Variants in CCDC148 observed in about 807,000 individuals in gnomAD.
CCDC148 encodes coiled-coil domain containing 148, also known as coiled-coil domain-containing protein 148.
In CCDC148, 89 loss-of-function variants were observed where a neutral mutation model predicts 85.7. The ratio of observed to expected loss-of-function variants is 1.04; its 90% CI spans 0.87 to 1.24. The LOEUF (loss-of-function observed/expected upper bound fraction) is 1.24. Ranked by LOEUF, CCDC148 falls within the 50% of genes most tolerant of loss-of-function variation. The pLI is 0.00. For synonymous variants in CCDC148, 230 were observed against 213.9 expected (o/e 1.08, Z -0.66); for missense variants, 692 against 671.7 (o/e 1.03, Z -0.33).
chr2:158,386,346 T>A (rs756182444), intron 1 of CCDC148, among the ~76,000 whole-genome samples: 2 of 152,098 alleles, frequency 1.3e-5, no homozygotes, highest in Non-Finnish European at 2.9e-5. Context: ...TGCTATTAAT[T>A]TCTGAGATTG....
At chr2:158,297,337 A>G (rs779550440) in intron 9 of CCDC148, among the ~76,000 whole-genome samples, 4 of 152,178 alleles carry the variant, frequency 2.6e-5, no homozygotes, top group Non-Finnish European at 4.4e-5. Flanking sequence ...AATTACATCT[A>G]TAGATGTTGA....
At chr2:158,275,238 C>G (rs1689876477) in intron 9 of CCDC148, among the ~76,000 whole-genome samples, 1 of 152,150 alleles carries the variant, frequency 6.6e-6, no homozygotes, top group Admixed American at 6.5e-5. Flanking sequence ...TTCTGGCTAG[C>G]CAATTTTCTG....
At chr2:158,363,927 C>T (rs1468661913) in intron 1 of CCDC148, among the ~76,000 whole-genome samples, 1 of 152,120 alleles carries the variant, frequency 6.6e-6, no homozygotes, top group Non-Finnish European at 1.5e-5. Flanking sequence ...ATCGTCTCAG[C>T]CCAAAATGTC....
intron 9 of CCDC148, among the ~76,000 whole-genome samples, chr2:158,304,238 G>A (rs561296816): frequency 1.3e-5 from 2 of 152,170 alleles, no homozygotes; most frequent in Admixed American, 1.3e-4. Flanking sequence ...AGAGGTGGGA[G>A]AAAGAAAAGA....
chr2:158,235,829 C>CA (rs1688079274), intron 10 of CCDC148: 1 of 152,274 alleles, frequency 6.6e-6, no homozygotes, highest in Non-Finnish European at 1.5e-5. Flanking sequence ...CGCAAGGGCT[C>CA]ATACAGTGCT....
At chr2:158,399,405 G>A (rs1360703330) in intron 1 of CCDC148, among the ~76,000 whole-genome samples, 3 of 152,114 alleles carry the variant, frequency 2.0e-5, no homozygotes, top group Non-Finnish European at 4.4e-5. Context: ...AAATCCAGCA[G>A]TACATCAAAA....
intron 1 of CCDC148, among the ~76,000 whole-genome samples, chr2:158,431,062 A>G (rs1574808763): frequency 6.6e-6 from 1 of 152,076 alleles, no homozygotes; most frequent in African/African-American, 2.4e-5. Flanking sequence ...AGACCAAAAA[A>G]TTAACAGAAC....
intron 1 of CCDC148, among the ~76,000 whole-genome samples, chr2:158,451,317 C>T (rs978627302): frequency 6.6e-6 from 1 of 152,048 alleles, no homozygotes; most frequent in African/African-American, 2.4e-5. Context: ...TCACACTTTC[C>T]TGTTTTTATG....
intron 9 of CCDC148, among the ~76,000 whole-genome samples, chr2:158,266,905 T>C (rs866164909): frequency 1.1e-4 from 15 of 140,154 alleles, no homozygotes; most frequent in African/African-American, 3.1e-4. Context: ...CATATATATA[T>C]ACACACACAT....
At chr2:158,382,615 A>G (rs145521180) in intron 1 of CCDC148, among the ~76,000 whole-genome samples, 3 of 152,276 alleles carry the variant, frequency 2.0e-5, no homozygotes, top group African/African-American at 7.2e-5. Flanking sequence ...AGATAATTTT[A>G]AAACCAAATC....
chr2:158,403,921 T>A (rs539537863), intron 1 of CCDC148, among the ~76,000 whole-genome samples: 12 of 152,256 alleles, frequency 7.9e-5, no homozygotes, highest in Non-Finnish European at 1.3e-4. Flanking sequence ...AAACAGTTAC[T>A]GTGCAGATAC....
chr2:158,334,150 T>A (rs565412746), intron 7 of CCDC148, among the ~76,000 whole-genome samples: 2 of 151,772 alleles, frequency 1.3e-5, no homozygotes, highest in South Asian at 4.2e-4. Flanking sequence ...CCTCCTGGAG[T>A]TTTTAACTCT....
chr2:158,227,496 C>A (rs11679053), intron 10 of CCDC148, among the ~76,000 whole-genome samples: 12,267 of 152,096 alleles, frequency 0.081, 665 homozygotes, highest in Non-Finnish European at 0.13. Context: ...CCCGCATTGC[C>A]AAGTCAATCC....
chr2:158,208,457 C>T (rs1245750243), intron 11 of CCDC148, among the ~76,000 whole-genome samples: 1 of 152,146 alleles, frequency 6.6e-6, no homozygotes, highest in Admixed American at 6.6e-5. Context: ...GAGTGTGGGA[C>T]CTGAGCTCTG....
intron 11 of CCDC148, among the ~76,000 whole-genome samples, chr2:158,205,251 G>C (rs1251566237): frequency 1.3e-5 from 2 of 152,136 alleles, no homozygotes; most frequent in African/African-American, 4.8e-5. Flanking sequence ...CTGTAGGAGT[G>C]GGGAGTAAGA....
intron 1 of CCDC148, among the ~76,000 whole-genome samples, chr2:158,389,439 T>G (rs1486033968): frequency 3.9e-5 from 6 of 152,178 alleles, no homozygotes. Flanking sequence ...ATGACAAAAC[T>G]GTGATAAAGT....
intron 9 of CCDC148, among the ~76,000 whole-genome samples, chr2:158,297,839 G>A (rs948332053): frequency 8.5e-5 from 13 of 152,186 alleles, no homozygotes; most frequent in Admixed American, 7.9e-4. Flanking sequence ...GCCTTTGTGT[G>A]TGACCACACC....
At chr2:158,326,081 C>G (rs12613230) in intron 7 of CCDC148, among the ~76,000 whole-genome samples, 25,589 of 152,058 alleles carry the variant, frequency 0.17, 3,474 homozygotes, top group African/African-American at 0.38. Context: ...TTAAAAATGG[C>G]TACAAGGCTC....
chr2:158,275,618 T>A (rs1458442909), intron 9 of CCDC148, among the ~76,000 whole-genome samples: 1 of 152,164 alleles, frequency 6.6e-6, no homozygotes, highest in African/African-American at 2.4e-5. Flanking sequence ...TCAATCTAGT[T>A]TTATCATCAA....
Sources: gnomAD v4.1 joint callset for allele counts (sites outside exome capture counted in the v4.1 genomes callset) on GRCh38, gnomAD v4.1.1 for gene constraint, MANE v1.5 for transcripts, NCBI Gene and HGNC (gene_info 2026-07-23, HGNC 2026-07-21) for gene names.